IGF2BP3: variants seen among roughly 807,000 people sequenced by gnomAD.
IGF2BP3 encodes insulin like growth factor 2 mRNA binding protein 3, also known as insulin-like growth factor 2 mRNA-binding protein 3.
A neutral mutation model predicts 73.8 loss-of-function variants in IGF2BP3; 9 were observed. The observed-to-expected ratio is 0.12, with a 90% CI of 0.07 to 0.21. The LOEUF (loss-of-function observed/expected upper bound fraction) is 0.21. Among genes scored for constraint, IGF2BP3 ranks in the 10% least tolerant of loss-of-function variants. The pLI is 1.00. For missense variants in IGF2BP3, 542 were observed against 714.0 expected, an observed-to-expected ratio of 0.76 and a Z score of 2.75; for synonymous variants, 258 against 256.7, an observed-to-expected ratio of 1.01 and a Z score of -0.05.
At chr7:23,367,966 C>T (rs1785428082) in intron 3 of IGF2BP3, among the ~76,000 whole-genome samples, 1 of 152,000 alleles carries the variant, frequency 6.6e-6, no homozygotes, top group African/African-American at 2.4e-5. Flanking sequence ...CACCACTGCA[C>T]TCCAGCCTGG....
intron 2 of IGF2BP3, among the ~76,000 whole-genome samples, chr7:23,447,491 G>A (rs1168752230): frequency 6.6e-6 from 1 of 151,382 alleles, no homozygotes; most frequent in East Asian, 1.9e-4. Flanking sequence ...CCAGGCATGG[G>A]GTGTGTGCCT....
intron 12 of IGF2BP3, among the ~76,000 whole-genome samples, 184 bp downstream of exon 12, chr7:23,317,455 T>A (rs1218183071): frequency 6.6e-6 from 1 of 152,218 alleles, no homozygotes; most frequent in Non-Finnish European, 1.5e-5. Context: ...AGTACAGAAC[T>A]CTTAAAATTA....
intron 3 of IGF2BP3, among the ~76,000 whole-genome samples, chr7:23,396,260 AG>A (rs1029406552): frequency 2.0e-5 from 3 of 151,950 alleles, no homozygotes; most frequent in African/African-American, 4.8e-5. Context: ...GCTTGGGGGT[AG>A]GGGGCAGGGA....
chr7:23,357,172 C>T (rs1372432401), intron 5 of IGF2BP3, among the ~76,000 whole-genome samples: 1 of 152,062 alleles, frequency 6.6e-6, no homozygotes, highest in African/African-American at 2.4e-5. Context: ...ATTTTCTTAC[C>T]TTTAGCCACT....
intron 5 of IGF2BP3, among the ~76,000 whole-genome samples, chr7:23,356,404 A>G (rs958825916): frequency 1.3e-5 from 2 of 152,044 alleles, no homozygotes; most frequent in African/African-American, 2.4e-5. Flanking sequence ...CAAAAAAAAA[A>G]AAATTAGCTG....
At chr7:23,323,480 A>G (rs1784213564) in intron 10 of IGF2BP3, among the ~76,000 whole-genome samples, 1 of 146,302 alleles carries the variant, frequency 6.8e-6, no homozygotes, top group Non-Finnish European at 1.5e-5. Flanking sequence ...GGGAGACTTT[A>G]ACACCCCACT....
intron 5 of IGF2BP3, among the ~76,000 whole-genome samples, chr7:23,358,057 C>G (rs1343204228): frequency 6.6e-6 from 1 of 152,224 alleles, no homozygotes; most frequent in East Asian, 1.9e-4. Flanking sequence ...TGAGCTCTAC[C>G]TTACAGGTAT....
At chr7:23,398,966 A>G (rs1380373061) in intron 3 of IGF2BP3, among the ~76,000 whole-genome samples, 1 of 152,194 alleles carries the variant, frequency 6.6e-6, no homozygotes, top group Admixed American at 6.5e-5. Flanking sequence ...TTGGTGTTTT[A>G]GACATGAAGT....
chr7:23,366,977 C>A (rs1482621836), intron 3 of IGF2BP3, among the ~76,000 whole-genome samples: 3 of 148,330 alleles, frequency 2.0e-5, no homozygotes, highest in Non-Finnish European at 3.0e-5. Context: ...TTGGTAAGTT[C>A]TCACATTTTG....
chr7:23,381,735 A>G (rs1010172597), intron 3 of IGF2BP3, among the ~76,000 whole-genome samples: 27 of 152,048 alleles, frequency 1.8e-4, no homozygotes, highest in African/African-American at 6.5e-4. Flanking sequence ...CGCCCAGCTA[A>G]TTTTTGTATT....
chr7:23,424,476 G>A (rs182060162), intron 2 of IGF2BP3, among the ~76,000 whole-genome samples: 29 of 152,208 alleles, frequency 1.9e-4, no homozygotes, highest in African/African-American at 4.8e-4. Flanking sequence ...TAGCCTGGGC[G>A]ACAAAGCAAG....
chr7:23,455,054 G>A (rs2128549669), intron 2 of IGF2BP3, among the ~76,000 whole-genome samples: 1 of 152,300 alleles, frequency 6.6e-6, no homozygotes, highest in Admixed American at 6.5e-5. Context: ...ATAAAGTACT[G>A]AAGACGCAAA....
rs183028698 is a variant in IGF2BP3, at chr7:23,443,879, C to T, written c.236+24603G>A. On this transcript the variant is annotated intron_variant, in intron 2 of 14. Coordinates refer to ENST00000258729, the MANE Select transcript of IGF2BP3 (RefSeq NM_006547.3). ...AGAAAATTAGCCAGGCATGGTGGCA[C>T]ACGCCTGTAATCCCAGCTACTCAGG... 2.6e-4 allele frequency among the ~76,000 whole-genome samples: 40 copies of T among 151,896 alleles called. No homozygotes were observed. In the East Asian group the frequency reaches 2.7e-3, roughly 10 times the overall value.
intron 3 of IGF2BP3, among the ~76,000 whole-genome samples, chr7:23,372,715 C>A (rs1338643335): frequency 6.6e-6 from 1 of 152,218 alleles, no homozygotes; most frequent in Non-Finnish European, 1.5e-5. Flanking sequence ...GTGTTCCACT[C>A]ATCCTTTAAG....
intron 3 of IGF2BP3, among the ~76,000 whole-genome samples, chr7:23,377,136 G>C (rs921286443): frequency 2.6e-5 from 4 of 151,382 alleles, no homozygotes; most frequent in African/African-American, 9.7e-5. Flanking sequence ...AAAAAGAAAA[G>C]AACAAAAAAA....
rs1241200123 is a variant in IGF2BP3, at chr7:23,469,653, C to T, written c.175+283G>A. ...GCCCGGGCGGGGCGCCGGGGGAGCG[C>T]GCCTCCCCCAGCCCCGCGCCCCCCT... On this transcript the variant is annotated intron_variant, in intron 1 of 14. Coordinates refer to ENST00000258729, the MANE Select transcript of IGF2BP3 (RefSeq NM_006547.3). This position sits in a 1 kb window ranked among gnomAD's most constrained non-coding sequence, Gnocchi z 6.1. Among the ~76,000 whole-genome samples the T allele has an allele frequency of 6.6e-6, 1 of 151,598 alleles. No homozygotes were observed. The highest frequency in any genetic ancestry group is 1.5e-5 in the Non-Finnish European group (1 of 67,792).
At position 23,361,710 on chromosome 7, in the gene IGF2BP3, A is replaced by C. The variant is rs769982735; in HGVS notation, c.317T>G (p.Val106Gly). ...VLDSLLVQYGVVESCEQVNTD... is the reference protein window; with the variant it reads ...VLDSLLVQYGGVESCEQVNTD... ...TGTACCTTGCTCACAGCTCTCCACC[A>C]CTCCATACTGGACTAGTAAACTATC... The change falls in exon 4 of 15, where the codon GTG becomes GGG. Residue 106 changes from valine to glycine, a missense_variant. Coordinates refer to ENST00000258729, the MANE Select transcript of IGF2BP3 (RefSeq NM_006547.3). 6.2e-7 allele frequency: 1 copy of C among 1,613,826 alleles called. No individual in the cohort carries two copies. Among genetic ancestry groups the C allele is most frequent in the South Asian group, 1.1e-5 (1 of 91,056 alleles).
chr7:23,328,585 C>T (rs552458432), intron 10 of IGF2BP3, among the ~76,000 whole-genome samples: 3 of 152,092 alleles, frequency 2.0e-5, no homozygotes, highest in Non-Finnish European at 4.4e-5. Flanking sequence ...TAACTTTTGC[C>T]TATTTTCCAA....
At chr7:23,371,309 G>A (rs974048480) in intron 3 of IGF2BP3, among the ~76,000 whole-genome samples, 1 of 151,912 alleles carries the variant, frequency 6.6e-6, no homozygotes, top group African/African-American at 2.4e-5. Flanking sequence ...TAGGGATATG[G>A]AGATGAAGGG....
Sources: allele counts gnomAD v4.1 joint callset (sites outside exome capture counted in the v4.1 genomes callset), GRCh38; gene constraint gnomAD v4.1.1; non-coding constraint Gnocchi (gnomAD v3.1); transcripts MANE v1.5; gene names NCBI Gene and HGNC (gene_info 2026-07-23, HGNC 2026-07-21).